Variants in OFD1 observed in about 807,000 individuals in gnomAD.
OFD1 encodes the protein OFD1 centriole and centriolar satellite protein.
In OFD1, 12 loss-of-function variants were observed where a neutral mutation model predicts 81.4. The observed-to-expected ratio is 0.15, with a 90% confidence interval of 0.09 to 0.24. The LOEUF (loss-of-function observed/expected upper bound fraction) is 0.24, where lower values mean the gene tolerates loss of function less well. Ranked by LOEUF, OFD1 falls within the 10% of genes least tolerant of loss-of-function variation. OFD1 has a pLI of 1.00. For synonymous variants in OFD1, 256 were observed against 263.7 expected, an observed-to-expected ratio of 0.97 and a Z score of 0.28; for missense variants, 685 against 733.9, an observed-to-expected ratio of 0.93 and a Z score of 0.77.
At chrX:13,754,966 A>G (rs2047644953) in intron 11 of OFD1, among the ~76,000 whole-genome samples, 185 bp from the exon 12 acceptor site, 2 of 112,655 alleles carry the variant, frequency 1.8e-5, no homozygotes, top group African/African-American at 6.5e-5. Context: ...CACCACATAT[A>G]TGACAGTTAC....
chrX:13,734,980 C>G lies in OFD1; in HGVS notation c.-92C>G. On this transcript the variant is annotated 5_prime_UTR_variant, in exon 1 of 23. Transcript: ENST00000340096. Reference sequence around the variant, plus strand: ...AGGCAGGGTTCTGAGGGCAGGGATTCCCCCTCGTCTTGGCCCCACCGCCCG... The same window carrying G: ...AGGCAGGGTTCTGAGGGCAGGGATTGCCCCTCGTCTTGGCCCCACCGCCCG... 1 of 1,155,049 alleles carries G rather than the reference C, an allele frequency of 8.7e-7. No individual in the cohort carries two copies. Among genetic ancestry groups the G allele is most frequent in the Non-Finnish European group, 1.1e-6 (1 of 871,605 alleles).
intron 5 of OFD1, chrX:13,740,037 C>T (rs1306663117): frequency 1.1e-6 from 1 of 928,403 alleles, no homozygotes; most frequent in Non-Finnish European, 1.4e-6. Flanking sequence ...TTCATCCATT[C>T]ATTCGCCAAT....
Position 13,769,155 on chromosome X carries a change from G to T in OFD1, c.*47G>T, listed in dbSNP as rs202080584. On this transcript the variant is annotated 3_prime_UTR_variant, in exon 23 of 23. Coordinates refer to ENST00000340096, the MANE Select transcript of OFD1 (RefSeq NM_003611.3). ...TAACTTACATACCGTGAGAAGTTAC[G>T]TAACATTTACTCCTTTGTAAATGTT... is the stretch of plus-strand genomic sequence containing the variant. 2 of 993,995 alleles carry T rather than the reference G, an allele frequency of 2.0e-6. No individual in the cohort carries two copies. Among genetic ancestry groups the T allele is most frequent in the African/African-American group, 1.9e-5 (1 of 53,037 alleles). 81.9% of individuals were successfully genotyped at this position (993,995 alleles called of 1,213,427 possible).
chrX:13,753,279 C>G lies in OFD1; in HGVS notation c.1056-89C>G, dbSNP rs771882006. ...TTGTCATGTTTAGCACCCTCAGGTGCTCCTGTGCCATAGATAAGCTCCTGC... is the reference window on the plus strand; with the variant it reads ...TTGTCATGTTTAGCACCCTCAGGTGGTCCTGTGCCATAGATAAGCTCCTGC... On this transcript the variant is annotated intron_variant, in intron 10 of 22. Coordinates refer to ENST00000340096, the MANE Select transcript of OFD1 (RefSeq NM_003611.3). 3.3e-6 allele frequency: 4 copies of G among 1,196,482 alleles called. No individual in the cohort carries two copies. In the Admixed American group the frequency reaches 8.9e-5, roughly 27 times the overall value.
chrX:13,756,238 G>A, intron 12 of OFD1, among the ~76,000 whole-genome samples: 1 of 111,441 alleles, frequency 9.0e-6, no homozygotes, highest in Non-Finnish European at 1.9e-5. Context: ...ACGGGCGTGA[G>A]CCACCATGCT....
chrX:13,750,558 A>G (rs929724242), intron 9 of OFD1, among the ~76,000 whole-genome samples: 1 of 112,303 alleles, frequency 8.9e-6, no homozygotes, highest in African/African-American at 3.2e-5. Flanking sequence ...ATTCTTCAGT[A>G]TTTGGAAGCC....
At chrX:13,753,809 T>C (rs975864620) in intron 11 of OFD1, among the ~76,000 whole-genome samples, 2 of 53,787 alleles carry the variant, frequency 3.7e-5, no homozygotes, top group Non-Finnish European at 6.2e-5. Context: ...TACGGAAAAC[T>C]TTTAACTTCT....
chrX:13,740,852 T>C (rs995018512), intron 5 of OFD1, among the ~76,000 whole-genome samples: 1 of 108,684 alleles, frequency 9.2e-6, no homozygotes, highest in Non-Finnish European at 1.9e-5. Flanking sequence ...AAGTAGTTTT[T>C]CCATGGCCGG....
intron 12 of OFD1, among the ~76,000 whole-genome samples, chrX:13,755,650 A>G (rs1195130721): frequency 8.9e-6 from 1 of 112,217 alleles, no homozygotes; most frequent in Admixed American, 9.4e-5. Context: ...ATCTCCTTCC[A>G]TCAGCAGCAG....
At chrX:13,741,579 G>A (rs1020355071) in intron 5 of OFD1, among the ~76,000 whole-genome samples, 3 of 111,700 alleles carry the variant, frequency 2.7e-5, no homozygotes, top group African/African-American at 9.8e-5. Context: ...TGTTATGCGT[G>A]TCTGTGTGAA....
In OFD1 at chrX:13,760,967, T is replaced by C; in HGVS notation, c.2261-118T>C. On this transcript the variant is annotated intron_variant, in intron 16 of 22. Transcript: ENST00000340096. ...GTTTTCTGGATCTTATGCATCATAA[T>C]TGGCTATTTGTGAGGATAACAGTTT... 1.4e-5 allele frequency: 13 copies of C among 925,769 alleles called. No homozygotes were observed. In the South Asian group the frequency reaches 2.4e-4, roughly 17 times the overall value. 76.3% of individuals were successfully genotyped at this position (925,769 alleles called of 1,213,427 possible).
chrX:13,734,906 G>A lies in OFD1; in HGVS notation c.-166G>A, dbSNP rs752402694. 9.0e-5 allele frequency: 98 copies of A among 1,091,585 alleles called. No homozygotes were observed. Among genetic ancestry groups the A allele is most frequent in the Non-Finnish European group, 1.1e-4 (96 of 844,582 alleles). 90.0% of individuals were successfully genotyped at this position (1,091,585 alleles called of 1,213,427 possible). A position where few individuals can be genotyped will look rare whatever the true frequency, so the allele number is the denominator to read the frequency against. On this transcript the variant is annotated 5_prime_UTR_variant, in exon 1 of 23. Transcript: ENST00000340096. ...TGCTAGAAAACCTAGTTGGGAGTGC[G>A]AGGCAGAGAACGTTCAGCACCTTTG...
At chrX:13,732,796 C>A (rs2046703893), upstream of OFD1, among the ~76,000 whole-genome samples, 1 of 112,826 alleles carries the variant, frequency 8.9e-6, no homozygotes. Context: ...CTCATGGACT[C>A]CAGTTCCAAA....
At chrX:13,757,975 G>A (rs1322412121) in intron 14 of OFD1, among the ~76,000 whole-genome samples, 185 bp downstream of exon 14, 4 of 111,766 alleles carry the variant, frequency 3.6e-5, no homozygotes, top group African/African-American at 6.5e-5. Flanking sequence ...CTTTATATTC[G>A]TAATAGTAAT....
chrX:13,753,803 G>C (rs965701702), intron 11 of OFD1, among the ~76,000 whole-genome samples: 16 of 86,257 alleles, frequency 1.9e-4, no homozygotes, highest in Non-Finnish European at 3.2e-4. Flanking sequence ...TTCACTTACG[G>C]AAAACTTTTA....
At chrX:13,755,382 A>G (rs2047662390) in intron 12 of OFD1, 140 bp downstream of exon 12, 1 of 484,600 alleles carries the variant, frequency 2.1e-6, no homozygotes, top group East Asian at 3.8e-5. Context: ...AGCTGAAGTT[A>G]ATTCAATAGT....
chrX:13,769,845 G>A (rs1003294730), downstream of OFD1, among the ~76,000 whole-genome samples: 1 of 111,535 alleles, frequency 9.0e-6, no homozygotes, highest in East Asian at 2.8e-4. Flanking sequence ...ACCAGACATC[G>A]AACCTGCCAG....
Position 13,767,246 on chromosome X carries a change from A to G in OFD1, c.2719A>G (p.Arg907Gly), listed in dbSNP as rs1569163323. ...GAGTAACCTACAAGAAGTTTTAGAAAGGGAACGAAGAGAACTAGAAAAACT... is the reference window on the plus strand; with the variant it reads ...GAGTAACCTACAAGAAGTTTTAGAAGGGGAACGAAGAGAACTAGAAAAACT... ...RQSNLQEVLE[R>G]ERRELEKLYQ... Residue 907 changes from arginine (R) to glycine (G), a missense_variant, in exon 20 of 23, where the codon AGG becomes GGG. Around this residue, in one of 3 missense-constraint regions of OFD1, gnomAD observed 259 missense variants for 254.4 expected, o/e 1.02. Coordinates refer to ENST00000340096, the MANE Select transcript of OFD1 (RefSeq NM_003611.3). 1 of 1,211,421 alleles carries G rather than the reference A, an allele frequency of 8.3e-7. No individual in the cohort carries two copies. Among genetic ancestry groups the G allele is most frequent in the South Asian group, 1.8e-5 (1 of 56,984 alleles).
At chrX:13,715,973 C>G in the OFD1 span, 1 of 1,161,709 alleles carries the variant, frequency 8.6e-7, no homozygotes, top group African/African-American at 1.8e-5. Context: ...CCTTTCTCAT[C>G]AGAATTTAAA....
Sources: gnomAD v4.1 joint callset for allele counts (sites outside exome capture counted in the v4.1 genomes callset) on GRCh38, gnomAD v4.1.1 for gene constraint, gnomAD v4.1.1 regional missense constraint, MANE v1.5 for transcripts, NCBI Gene and HGNC (gene_info 2026-07-23, HGNC 2026-07-21) for gene names.